The following LINGO2 variants were observed in gnomAD, a reference collection of about 807,000 sequenced individuals.
LINGO2 encodes the protein leucine-rich repeat and immunoglobulin-like domain-containing nogo receptor-interacting protein 2.
LINGO2 carries 14 observed loss-of-function variants against 30.6 expected under a neutral mutation model. The ratio of observed to expected loss-of-function variants is 0.46; its 90% CI spans 0.30 to 0.72. The LOEUF (loss-of-function observed/expected upper bound fraction) is 0.72, where lower values mean the gene tolerates loss of function less well. LINGO2 is among the 30% of genes least tolerant of loss of function. The pLI, the probability that LINGO2 is intolerant of heterozygous loss-of-function variation, is 0.07. For missense variants in LINGO2, 729 were observed against 751.7 expected (o/e 0.97, Z 0.35); for synonymous variants, 317 against 288.5 (o/e 1.10, Z -1.00).
At chr9:28,459,489 TTCTA>T (rs1824988498) in intron 2 of LINGO2, among the ~76,000 whole-genome samples, 1 of 132,576 alleles carries the variant, frequency 7.5e-6, no homozygotes, top group Non-Finnish European at 1.7e-5. Flanking sequence ...ACTGAACATT[TTCTA>T]TGTGCCAGAA....
chr9:28,519,058 G>T (rs1304712570), intron 1 of LINGO2, among the ~76,000 whole-genome samples: 3 of 152,040 alleles, frequency 2.0e-5, no homozygotes, highest in African/African-American at 7.2e-5. Flanking sequence ...TGGAGACAGG[G>T]TCTGACTCTT....
At chr9:28,818,871 C>T in the LINGO2 span, among the ~76,000 whole-genome samples, 4 of 152,014 alleles carry the variant, frequency 2.6e-5, no homozygotes, top group Non-Finnish European at 5.9e-5. Flanking sequence ...AAAAAAAAAA[C>T]TTTAAACCTG....
the LINGO2 span, among the ~76,000 whole-genome samples, chr9:29,013,085 C>A: frequency 2.0e-5 from 3 of 152,124 alleles, no homozygotes; most frequent in South Asian, 4.1e-4. Context: ...CTTCTCCCCA[C>A]CCTAGCTGGT....
the LINGO2 span, among the ~76,000 whole-genome samples, chr9:28,855,070 T>A: frequency 6.6e-6 from 1 of 151,978 alleles, no homozygotes; most frequent in Non-Finnish European, 1.5e-5. Context: ...GACCAAGTCC[T>A]GGGACCAAAT....
chr9:28,192,371 T>A (rs1413003313), intron 4 of LINGO2, among the ~76,000 whole-genome samples: 1 of 152,248 alleles, frequency 6.6e-6, no homozygotes, highest in East Asian at 1.9e-4. Flanking sequence ...TTAATTAATT[T>A]AATTAATTAT....
the LINGO2 span, among the ~76,000 whole-genome samples, chr9:29,083,028 T>C: frequency 6.6e-6 from 1 of 152,164 alleles, no homozygotes; most frequent in Admixed American, 6.6e-5. Flanking sequence ...AGTGTGGCGA[T>C]TCCTCAGGGA....
At chr9:28,006,894 T>TA (rs1822293522) in intron 5 of LINGO2, among the ~76,000 whole-genome samples, 1 of 150,824 alleles carries the variant, frequency 6.6e-6, no homozygotes, top group African/African-American at 2.4e-5. Context: ...AGAGAGCAGC[T>TA]AATCCACATA....
intron 4 of LINGO2, among the ~76,000 whole-genome samples, chr9:28,070,966 T>C (rs1825457916): frequency 6.6e-6 from 1 of 152,152 alleles, no homozygotes; most frequent in Non-Finnish European, 1.5e-5. Flanking sequence ...TCTCATGCCT[T>C]GGCCTCCCAA....
At chr9:28,161,086 G>T (rs1189106785) in intron 4 of LINGO2, among the ~76,000 whole-genome samples, 1 of 152,200 alleles carries the variant, frequency 6.6e-6, no homozygotes, top group African/African-American at 2.4e-5. Context: ...AGGTTGAAGA[G>T]CAGGGAGGGC....
At chr9:28,263,269 G>C (rs1035668799) in intron 4 of LINGO2, among the ~76,000 whole-genome samples, 20 of 151,958 alleles carry the variant, frequency 1.3e-4, no homozygotes, top group African/African-American at 4.6e-4. Context: ...CATTTGGTTA[G>C]TTAAGGCCAA....
At chr9:28,120,707 A>T (rs549475921) in intron 4 of LINGO2, among the ~76,000 whole-genome samples, 13 of 152,314 alleles carry the variant, frequency 8.5e-5, no homozygotes, top group Middle Eastern at 6.8e-3. Context: ...ATTAATAATG[A>T]GTGTAGTTCC....
chr9:28,652,715 A>G (rs185206700), intron 1 of LINGO2, among the ~76,000 whole-genome samples: 1 of 151,962 alleles, frequency 6.6e-6, no homozygotes, highest in Non-Finnish European at 1.5e-5. Flanking sequence ...TCCCAGAAAA[A>G]AAAAGGAAAA....
At chr9:28,125,112 G>C (rs1174741374) in intron 4 of LINGO2, among the ~76,000 whole-genome samples, 2 of 152,188 alleles carry the variant, frequency 1.3e-5, no homozygotes, top group African/African-American at 4.8e-5. Flanking sequence ...AAAGTGAAGA[G>C]AACATATATT....
At chr9:28,101,952 C>T (rs1218979466) in intron 4 of LINGO2, among the ~76,000 whole-genome samples, 1 of 152,034 alleles carries the variant, frequency 6.6e-6, no homozygotes, top group Non-Finnish European at 1.5e-5. Flanking sequence ...GGAATATAAA[C>T]CCTCATGAAC....
chr9:29,019,143 T>G, the LINGO2 span, among the ~76,000 whole-genome samples: 1 of 152,220 alleles, frequency 6.6e-6, no homozygotes, highest in Admixed American at 6.5e-5. Flanking sequence ...TCTGCTCCAT[T>G]TTGGGAATAT....
chr9:28,397,312 T>G (rs919756823), intron 2 of LINGO2, among the ~76,000 whole-genome samples: 2 of 150,214 alleles, frequency 1.3e-5, no homozygotes, highest in African/African-American at 4.9e-5. Flanking sequence ...ATTTTTAAAT[T>G]GACATAAAAT....
the LINGO2 span, among the ~76,000 whole-genome samples, chr9:29,189,684 G>A: frequency 6.6e-6 from 1 of 151,962 alleles, no homozygotes; most frequent in Non-Finnish European, 1.5e-5. Flanking sequence ...TGGTTGTAGC[G>A]AGCCGAGATC....
intron 1 of LINGO2, among the ~76,000 whole-genome samples, chr9:28,607,973 A>G (rs569594150): frequency 6.6e-6 from 1 of 152,214 alleles, no homozygotes; most frequent in South Asian, 2.1e-4. Context: ...GCATTACAGC[A>G]TGCATGTTAA....
chr9:28,979,402 G>A, the LINGO2 span, among the ~76,000 whole-genome samples: 4 of 152,146 alleles, frequency 2.6e-5, no homozygotes, highest in African/African-American at 9.6e-5. Context: ...AAAGAGAGCT[G>A]ATGCTGGGTT....
Sources: allele counts gnomAD v4.1 joint callset (sites outside exome capture counted in the v4.1 genomes callset), GRCh38; gene constraint gnomAD v4.1.1; transcripts MANE v1.5; gene names NCBI Gene and HGNC (gene_info 2026-07-23, HGNC 2026-07-21).